The following CLUH variants were observed in gnomAD, a reference collection of about 807,000 sequenced individuals.
CLUH encodes CLUH binding protein of NUMT mRNA, also known as clustered mitochondria protein homolog.
In CLUH, 77 loss-of-function variants were observed where a neutral mutation model predicts 139.3. The ratio of observed to expected loss-of-function variants is 0.55; its 90% CI spans 0.46 to 0.67. The LOEUF (loss-of-function observed/expected upper bound fraction) is 0.67. Among genes scored for constraint, CLUH ranks in the 30% least tolerant of loss-of-function variants. CLUH has a pLI of 0.00. For synonymous variants in CLUH, 999 were observed against 801.6 expected, an observed-to-expected ratio of 1.25 and a Z score of -4.16; for missense variants, 1,876 against 1,875.8, an observed-to-expected ratio of 1.00 and a Z score of 0.00.
chr17:2,697,990 G>A lies in CLUH; in HGVS notation c.1867C>T (p.Pro623Ser), dbSNP rs1252572644. ...AAGCCGGCGCGGGCGCATTCCTCAG[G>A]CAGCTCCTCGCCAGGCACGGGCAGG... ...NFLPVPGEELPEECARAGFPR... is the reference protein window; with the variant it reads ...NFLPVPGEELSEECARAGFPR... The change falls in exon 10 of 26, where the codon CCT (proline) becomes TCT (serine). Residue 623 changes from proline (P) to serine (S), a missense_variant. By Grantham distance (74) the Pro-to-Ser change is moderately conservative (BLOSUM62 -1). Around this residue, in one of 3 missense-constraint regions of CLUH, gnomAD observed 1,454 missense variants for 1,384.4 expected, o/e 1.05. Transcript: ENST00000651024. The A allele has an allele frequency of 6.3e-7, 1 of 1,594,084 alleles. No homozygotes were observed. Among genetic ancestry groups the A allele is most frequent in the South Asian group, 1.1e-5 (1 of 88,948 alleles).
At position 2,691,997 on chromosome 17, in the gene CLUH, C is replaced by CGCGCCCCGCCCCGCCCCCGCT. The variant is rs1555529541; in HGVS notation, c.3654+6_3654+7insAGCGGGGGCGGGGCGGGGCGC. 3 of 1,331,414 alleles carry CGCGCCCCGCCCCGCCCCCGCT rather than the reference C, an allele frequency of 2.3e-6. No individual in the cohort carries two copies. Among genetic ancestry groups the CGCGCCCCGCCCCGCCCCCGCT allele is most frequent in the Non-Finnish European group, 3.0e-6 (3 of 1,009,294 alleles). The allele number at this position is 1,331,414 out of a possible 1,614,324, so 82.5% of individuals were successfully genotyped here. ...GCCCCCGCCCCCGCCACGCCCCCGC[C>CGCGCCCCGCCCCGCCCCCGCT]GCGCACCTGCGTCTTGTAGATGGTG... On this transcript the variant is annotated splice_region_variant and intron_variant, in intron 23 of 25. Coordinates refer to ENST00000651024, the MANE Select transcript of CLUH (RefSeq NM_001366661.1).
intron 25 of CLUH, 195 bp downstream of exon 25, chr17:2,691,414 G>C: frequency 1.7e-6 from 1 of 579,876 alleles, no homozygotes; most frequent in Non-Finnish European, 3.1e-6. Flanking sequence ...ACACAAAAAT[G>C]AGCCGGGCGA....
chr17:2,705,573 T>C (rs1321882556), intron 1 of CLUH, among the ~76,000 whole-genome samples: 3 of 152,038 alleles, frequency 2.0e-5, no homozygotes, highest in Non-Finnish European at 4.4e-5. Flanking sequence ...CTTCAAGGCC[T>C]AGGAGAAATA....
chr17:2,693,625 C>T (rs1360307880), intron 19 of CLUH, among the ~76,000 whole-genome samples: 1 of 146,994 alleles, frequency 6.8e-6, no homozygotes, highest in Non-Finnish European at 1.5e-5. Flanking sequence ...ATGCTTCCTG[C>T]CCACTCACGG....
In CLUH at chr17:2,704,348, T is replaced by C. The variant is rs1158100925; in HGVS notation, c.303+14A>G. The C allele has an allele frequency of 1.2e-6, 2 of 1,606,374 alleles. No individual in the cohort carries two copies. Among genetic ancestry groups the C allele is most frequent in the East Asian group, 2.3e-5 (1 of 44,378 alleles). ...GCTCAGGCCTGGCCCCCAGCACCCG[T>C]TCCTCCATCTTACCTGCAGGGAGAA... On this transcript the variant is annotated intron_variant, in intron 2 of 25. Transcript: ENST00000651024. This position sits in a 1 kb window ranked among gnomAD's most constrained non-coding sequence, Gnocchi z 5.7.
rs1397069471 is a variant in CLUH, at chr17:2,692,474, G to A, written c.3447C>T (p.Ile1149=). ...HPEMALLDNN[I]GLVLHGVMEY... ...CCATCACCCCGTGCAGCACCAGCCC[G>A]ATGTTGTTCTGGGGGCAGGCGGTGG... Residue 1149 remains isoleucine, a synonymous_variant, in exon 22 of 26, where the codon ATC becomes ATT. Coordinates refer to ENST00000651024, the MANE Select transcript of CLUH (RefSeq NM_001366661.1). 1.3e-6 allele frequency: 2 copies of A among 1,598,888 alleles called. No individual in the cohort carries two copies. The highest frequency in any genetic ancestry group is 1.7e-6 in the Non-Finnish European group (2 of 1,177,024).
In CLUH at chr17:2,692,556, C is replaced by A. The variant is rs561933251; in HGVS notation, c.3438+15G>T. On this transcript the variant is annotated intron_variant, in intron 21 of 25. Transcript: ENST00000651024. ...TGGAGCTGGGTCCCTGCCGCCCCCCCGCCCCAGCACTCACGTCCAGCAGCG... is the reference window on the plus strand; with the variant it reads ...TGGAGCTGGGTCCCTGCCGCCCCCCAGCCCCAGCACTCACGTCCAGCAGCG... 7 of 1,606,404 alleles carry A rather than the reference C, an allele frequency of 4.4e-6. No individual in the cohort carries two copies. The highest frequency in any genetic ancestry group is 1.7e-5 in the Admixed American group (1 of 59,768).
chr17:2,700,065 T>C (rs1177662966), intron 9 of CLUH, among the ~76,000 whole-genome samples: 4 of 152,226 alleles, frequency 2.6e-5, no homozygotes, highest in Non-Finnish European at 5.9e-5. Flanking sequence ...GGCCGGCCAG[T>C]GCTCGCCCAG....
rs770557774 is a variant in CLUH, at chr17:2,697,891, C to T, written c.1961+5G>A. 9 of 1,489,202 alleles carry T rather than the reference C, an allele frequency of 6.0e-6. 1 individual carries two copies. The South Asian group carries it at 1.1e-4, about 18-fold the overall frequency. The allele number at this position is 1,489,202 out of a possible 1,614,324, so 92.2% of individuals were successfully genotyped here. On this transcript the variant is annotated splice_donor_5th_base_variant and intron_variant, in intron 10 of 25. Coordinates refer to ENST00000651024, the MANE Select transcript of CLUH (RefSeq NM_001366661.1). ...CGGCCCTGGTCCGGCAGGGCCGCCC[C>T]TCACCTGTGCTCCACGAAGGCGTCC...
At position 2,703,754 on chromosome 17, in the gene CLUH, C is replaced by T. The variant is rs3815349; in HGVS notation, c.304-265G>A. Among the ~76,000 whole-genome samples, 12 of 152,268 alleles carry T rather than the reference C, an allele frequency of 7.9e-5. No homozygotes were observed. The East Asian group carries it at 2.3e-3, about 29-fold the overall frequency. ...GAGCCTGGCCCACCGACTCGGCCTG[C>T]AGACCCAGAGCAATGCCCGAGCAGA... On this transcript the variant is annotated intron_variant, in intron 2 of 25. Coordinates refer to ENST00000651024, the MANE Select transcript of CLUH (RefSeq NM_001366661.1). The surrounding 1 kb of genome is among the most constrained non-coding windows in gnomAD (Gnocchi z 4.2).
At position 2,695,151 on chromosome 17, in the gene CLUH, G is replaced by C. The variant is rs374093545; in HGVS notation, c.2608-50C>G. ...CATGAGGGCCCTCAGCCCCACCTCA[G>C]GCTCTTTCCCGACGCCCCACACCAC... is the stretch of plus-strand genomic sequence containing the variant. On this transcript the variant is annotated intron_variant, in intron 15 of 25. Coordinates refer to ENST00000651024, the MANE Select transcript of CLUH (RefSeq NM_001366661.1). 8.1e-5 allele frequency: 131 copies of C among 1,613,418 alleles called. 1 individual carries two copies. The highest frequency in any genetic ancestry group is 1.1e-4 in the Non-Finnish European group (126 of 1,179,736).
At position 2,706,898 on chromosome 17, in the gene CLUH, G is replaced by T. The variant is rs951501337; in HGVS notation, c.101-2334C>A. On this transcript the variant is annotated intron_variant, in intron 1 of 25. Transcript: ENST00000651024. This position sits in a 1 kb window ranked among gnomAD's most constrained non-coding sequence, Gnocchi z 4.6. The stretch of plus-strand genomic sequence containing the variant: ...ACAGCCTGTGTTCTTTCGCATGTCT[G>T]GAATGGGAGGACAGAAAGGAGGGAC... Among the ~76,000 whole-genome samples the T allele has an allele frequency of 1.3e-5, 2 of 152,188 alleles. No homozygotes were observed. The highest frequency in any genetic ancestry group is 4.8e-5 in the African/African-American group (2 of 41,426).
intron 1 of CLUH, among the ~76,000 whole-genome samples, chr17:2,705,595 C>A (rs1183586001): frequency 6.6e-6 from 1 of 152,302 alleles, no homozygotes; most frequent in Non-Finnish European, 1.5e-5. Flanking sequence ...ACCTTTTCCA[C>A]AGCCTGCCCA....
upstream of CLUH, chr17:2,711,810 C>A: frequency 5.4e-6 from 1 of 186,616 alleles, no homozygotes; most frequent in Non-Finnish European, 1.0e-5. Context: ...CCGCCGTTTC[C>A]CTGCCCCACC....
chr17:2,697,358 C>T (rs944694736), intron 10 of CLUH, among the ~76,000 whole-genome samples: 1 of 151,054 alleles, frequency 6.6e-6, no homozygotes, highest in African/African-American at 2.4e-5. Flanking sequence ...GGGATCGTGC[C>T]ATTGCACTCC....
intron 17 of CLUH, 101 bp from the exon 18 acceptor site, chr17:2,694,377 A>G (rs1007289975): frequency 1.3e-6 from 2 of 1,520,944 alleles, no homozygotes; most frequent in Admixed American, 2.0e-5. Flanking sequence ...CTACCGTGAA[A>G]AAGCCACTTC....
Position 2,704,529 on chromosome 17 carries a change from G to A in CLUH, c.136C>T (p.Pro46Ser). ...PSVMLLNGDC[P>S]ESLKKEAAAA... is the part of the protein sequence containing the mutation. Reference sequence around the variant, plus strand: ...GCCGCCTCCTTCTTCAGGCTCTCTGGGCAGTCCCCGTTTAAGAGCATGACT... The same window carrying A: ...GCCGCCTCCTTCTTCAGGCTCTCTGAGCAGTCCCCGTTTAAGAGCATGACT... The change falls in exon 2 of 26, where the codon CCA becomes TCA. Residue 46 changes from proline (P) to serine (S), a missense_variant. Transcript: ENST00000651024. This position sits in a 1 kb window ranked among gnomAD's most constrained non-coding sequence, Gnocchi z 5.7. The A allele has an allele frequency of 6.3e-7, 1 of 1,577,894 alleles. No individual in the cohort carries two copies. Among genetic ancestry groups the A allele is most frequent in the South Asian group, 1.2e-5 (1 of 86,324 alleles).
rs536028738 is a variant in CLUH at position 2,691,747 on chromosome 17, C to G, written c.3789+14G>C. On this transcript the variant is annotated intron_variant, in intron 24 of 25. Transcript: ENST00000651024. ...GCTCGCCGGGCCGGAGGGGCCGCTC[C>G]GCCCCGGACTCACCTTGAGGGGCGG... is the stretch of plus-strand genomic sequence containing the variant. 17 of 1,596,776 alleles carry G rather than the reference C, an allele frequency of 1.1e-5. No homozygotes were observed. In the East Asian group the frequency reaches 3.9e-4, roughly 36 times the overall value.
chr17:2,693,730 C>T lies in CLUH; in HGVS notation c.3231+170G>A, dbSNP rs1216935885. The stretch of plus-strand genomic sequence containing the variant: ...CACCGCAGCACAGGGTGCTCCTGAG[C>T]TCTCCCGCTCGGGACACAGTTACAG... On this transcript the variant is annotated intron_variant, in intron 19 of 25. Coordinates refer to ENST00000651024, the MANE Select transcript of CLUH (RefSeq NM_001366661.1). Among the ~76,000 whole-genome samples the T allele has an allele frequency of 2.0e-5, 3 of 152,302 alleles. No homozygotes were observed. The East Asian group carries it at 5.8e-4, about 30-fold the overall frequency.
Sources: allele counts gnomAD v4.1 joint callset (sites outside exome capture counted in the v4.1 genomes callset), GRCh38; gene constraint gnomAD v4.1.1; regional missense constraint gnomAD v4.1.1; non-coding constraint Gnocchi (gnomAD v3.1); transcripts MANE v1.5; gene names NCBI Gene and HGNC (gene_info 2026-07-23, HGNC 2026-07-21).